The following OARD1 variants were observed in gnomAD, a reference collection of about 807,000 sequenced individuals.
OARD1 encodes ADP-ribose glycohydrolase OARD1.
A neutral mutation model predicts 19.7 loss-of-function variants in OARD1; 19 were observed. That is an observed-to-expected ratio of 0.96 (90% CI 0.67 to 1.41). The LOEUF (loss-of-function observed/expected upper bound fraction) is 1.41, where lower values mean the gene tolerates loss of function less well. Ranked by LOEUF, OARD1 falls within the 40% of genes most tolerant of loss-of-function variation. OARD1 has a pLI of 0.00. For missense variants in OARD1, 190 were observed against 183.8 expected, an observed-to-expected ratio of 1.03 and a Z score of -0.20; for synonymous variants, 70 against 61.8, an observed-to-expected ratio of 1.13 and a Z score of -0.62.
chr6:41,068,854 G>C lies in OARD1; in HGVS notation c.343C>G (p.Leu115Val). 1 of 1,573,600 alleles carries C rather than the reference G, an allele frequency of 6.4e-7. No individual in the cohort carries two copies. Residue 115 changes from leucine to valine, a missense_variant, in exon 5 of 6, where the codon CTC (leucine) becomes GTC (valine). Leu to Val is a conservative substitution (Grantham distance 32). Transcript: ENST00000424266. The stretch of plus-strand genomic sequence containing the variant: ...GGATTTCCTTGCCTGGGCATGGAGA[G>C]GTCAGTGACTCCATTCTTCAGACAA... The part of the protein sequence containing the change: ...SHCLKNGVTD[L>V]SMPRIGCGLD...
intron 4 of OARD1, chr6:41,069,701 A>G (rs113471070): frequency 7.5e-6 from 2 of 267,060 alleles, no homozygotes; most frequent in South Asian, 8.1e-5. Flanking sequence ...GTGCTATTTG[A>G]CATGGAATAA....
At position 41,071,071 on chromosome 6, in the gene OARD1, T is replaced by A. The variant is rs1029061505; in HGVS notation, c.184+61A>T. On this transcript the variant is annotated intron_variant, in intron 3 of 5. Coordinates refer to ENST00000424266, the MANE Select transcript of OARD1 (RefSeq NM_001329686.2). Reference sequence around the variant, plus strand: ...TCTTTACACGCATATTTTATTAAAGTGTAACAGATTAAAAGGTGCTCTAGC... The same window carrying A: ...TCTTTACACGCATATTTTATTAAAGAGTAACAGATTAAAAGGTGCTCTAGC... 4 of 1,511,050 alleles carry A rather than the reference T, an allele frequency of 2.6e-6. No homozygotes were observed. In the East Asian group the frequency reaches 9.0e-5, roughly 34 times the overall value. 93.6% of individuals were successfully genotyped at this position (1,511,050 alleles called of 1,614,324 possible).
intron 1 of OARD1, among the ~76,000 whole-genome samples, chr6:41,089,314 A>G (rs1360993745): frequency 6.6e-6 from 1 of 152,150 alleles, no homozygotes; most frequent in Non-Finnish European, 1.5e-5. Flanking sequence ...CATGCTTTTC[A>G]ATATATATAA....
chr6:41,078,652 A>G (rs1763809420), intron 1 of OARD1, among the ~76,000 whole-genome samples: 1 of 152,206 alleles, frequency 6.6e-6, no homozygotes, highest in Non-Finnish European at 1.5e-5. Context: ...TTTGGTGGGA[A>G]GCAATTACGT....
intron 1 of OARD1, among the ~76,000 whole-genome samples, chr6:41,085,365 A>T (rs1764017897): frequency 6.6e-6 from 1 of 152,232 alleles, no homozygotes; most frequent in Admixed American, 6.5e-5. Context: ...TAATATATTC[A>T]TAGGGAATAT....
At chr6:41,097,023 G>A (rs963824749) in intron 1 of OARD1, among the ~76,000 whole-genome samples, 1 of 152,158 alleles carries the variant, frequency 6.6e-6, no homozygotes, top group Non-Finnish European at 1.5e-5. Context: ...GTTTCTCTGG[G>A]TCTTTTCCTT....
upstream of OARD1, among the ~76,000 whole-genome samples, chr6:41,076,866 T>C (rs559217875): frequency 1.3e-5 from 2 of 152,346 alleles, no homozygotes; most frequent in Admixed American, 6.5e-5. Flanking sequence ...CAGTTGCTTA[T>C]AGCATTAACC....
rs779056304 is a variant in OARD1, at chr6:41,090,296, C to T, written c.-42+7417G>A. 1.2e-5 allele frequency: 20 copies of T among 1,612,978 alleles called. No individual in the cohort carries two copies. The Admixed American group carries it at 3.2e-4, about 26-fold the overall frequency. Reference sequence around the variant, plus strand: ...ATCAACCAGTTAATGCAGATGGCACCATTCTCCAGCAAGGTAAGTGTACCC... The same window carrying T: ...ATCAACCAGTTAATGCAGATGGCACTATTCTCCAGCAAGGTAAGTGTACCC... On this transcript the variant is annotated intron_variant, in intron 1 of 4. Transcript: ENST00000480585.
chr6:41,092,598 T>G (rs1764225734), intron 1 of OARD1, among the ~76,000 whole-genome samples: 1 of 152,172 alleles, frequency 6.6e-6, no homozygotes, highest in African/African-American at 2.4e-5. Context: ...GCTGTTTTTT[T>G]GTCTTATGAC....
intron 4 of OARD1, 164 bp from the exon 5 acceptor site, chr6:41,069,117 G>A: frequency 2.2e-6 from 1 of 456,372 alleles, no homozygotes; most frequent in South Asian, 4.2e-5. Flanking sequence ...CACTGTTATG[G>A]GAGACCTTCA....
intron 1 of OARD1, among the ~76,000 whole-genome samples, chr6:41,086,790 A>G (rs540478641): frequency 1.4e-4 from 22 of 152,328 alleles, no homozygotes; most frequent in African/African-American, 5.3e-4. Flanking sequence ...AAACATATCA[A>G]TGAAGAAATG....
intron 5 of OARD1, among the ~76,000 whole-genome samples, chr6:41,067,870 G>A (rs994460806): frequency 6.6e-6 from 1 of 152,134 alleles, no homozygotes; most frequent in Non-Finnish European, 1.5e-5. Flanking sequence ...AAAAAAGAAA[G>A]TCAAGAGGGA....
In OARD1 at chr6:41,065,437, C is replaced by G. The variant is rs1331825893; in HGVS notation, c.*1898G>C. 1 of 152,202 alleles carries G rather than the reference C, an allele frequency of 6.6e-6. No individual in the cohort carries two copies. Among genetic ancestry groups the G allele is most frequent in the East Asian group, 1.9e-4 (1 of 5,196 alleles). 9.4% of individuals were successfully genotyped at this position (152,202 alleles called of 1,614,324 possible). Reference sequence around the variant, plus strand: ...GACATAGACCTAAGTTGAGGAGCATCTGTAATTGCAGAGTTAAGCAAAATA... The same window carrying G: ...GACATAGACCTAAGTTGAGGAGCATGTGTAATTGCAGAGTTAAGCAAAATA... On this transcript the variant is annotated 3_prime_UTR_variant, in exon 6 of 6. Transcript: ENST00000424266.
At chr6:41,095,797 G>C (rs1274213697) in intron 1 of OARD1, among the ~76,000 whole-genome samples, 1 of 152,170 alleles carries the variant, frequency 6.6e-6, no homozygotes, top group Non-Finnish European at 1.5e-5. Context: ...TCACTAGACT[G>C]TAAGTTGTAT....
chr6:41,094,548 T>A, intron 1 of OARD1: 1 of 1,440,950 alleles, frequency 6.9e-7, no homozygotes, highest in Non-Finnish European at 9.8e-7. Context: ...TGTATTGACT[T>A]GAGTTGAAGC....
chr6:41,070,900 A>G (rs1763306975), intron 3 of OARD1: 2 of 608,274 alleles, frequency 3.3e-6, no homozygotes, highest in Non-Finnish European at 5.8e-6. Context: ...AGAGAAGTAC[A>G]GTAATATCGT....
At chr6:41,070,852 A>G (rs1763303542) in intron 3 of OARD1, 1 of 581,050 alleles carries the variant, frequency 1.7e-6, no homozygotes, top group South Asian at 2.2e-5. Context: ...TTGAATGCCA[A>G]CCTATAGACT....
chr6:41,091,707 A>G, intron 1 of OARD1: 4 of 1,604,308 alleles, frequency 2.5e-6, no homozygotes, highest in Non-Finnish European at 3.4e-6. Context: ...AAGAAAATGT[A>G]TTTTTCAGCT....
intron 1 of OARD1, chr6:41,094,549 G>T: frequency 1.4e-6 from 2 of 1,430,388 alleles, no homozygotes; most frequent in Non-Finnish European, 9.8e-7. Context: ...GTATTGACTT[G>T]AGTTGAAGCC....
Sources: gnomAD v4.1 joint callset for allele counts (sites outside exome capture counted in the v4.1 genomes callset) on GRCh38, gnomAD v4.1.1 for gene constraint, MANE v1.5 for transcripts, NCBI Gene and HGNC (gene_info 2026-07-23, HGNC 2026-07-21) for gene names.